COL19A1: variants seen among roughly 807,000 people sequenced by gnomAD.
The protein encoded by COL19A1 is collagen alpha-1(XIX) chain.
COL19A1 carries 159 observed loss-of-function variants against 190.2 expected under a neutral mutation model. That is an observed-to-expected ratio of 0.84 (90% CI 0.73 to 0.95). The LOEUF (loss-of-function observed/expected upper bound fraction) is 0.95. Among genes scored for constraint, COL19A1 ranks in the 40% least tolerant of loss-of-function variants. COL19A1 has a pLI of 0.00. For missense variants in COL19A1, 1,418 were observed against 1,431.9 expected, an observed-to-expected ratio of 0.99 and a Z score of 0.16; for synonymous variants, 509 against 458.9, an observed-to-expected ratio of 1.11 and a Z score of -1.39.
chr6:69,998,774 T>C (rs1777077731), intron 11 of COL19A1, among the ~76,000 whole-genome samples: 1 of 152,122 alleles, frequency 6.6e-6, no homozygotes, highest in Non-Finnish European at 1.5e-5. Flanking sequence ...TACAGAAAGA[T>C]TGAAAGAATT....
intron 15 of COL19A1, among the ~76,000 whole-genome samples, chr6:70,081,994 A>C (rs1782286984): frequency 6.6e-6 from 1 of 152,234 alleles, no homozygotes; most frequent in South Asian, 2.1e-4. Context: ...TATTATTCTC[A>C]TAGCTTTACA....
intron 17 of COL19A1, among the ~76,000 whole-genome samples, chr6:70,129,431 A>C (rs972269265): frequency 6.6e-6 from 1 of 152,240 alleles, no homozygotes; most frequent in African/African-American, 2.4e-5. Flanking sequence ...ATCTCCTAAG[A>C]AGGCAGAAGG....
At chr6:70,107,592 C>T (rs879511109) in intron 16 of COL19A1, among the ~76,000 whole-genome samples, 1 of 152,168 alleles carries the variant, frequency 6.6e-6, no homozygotes, top group Admixed American at 6.6e-5. Flanking sequence ...AGATTGTCTT[C>T]AATCAGTAAT....
intron 9 of COL19A1, among the ~76,000 whole-genome samples, chr6:69,943,149 T>C (rs1368256306): frequency 6.6e-6 from 1 of 152,122 alleles, no homozygotes; most frequent in Non-Finnish European, 1.5e-5. Flanking sequence ...TCATGATTAA[T>C]GTTGAGCATT....
chr6:70,064,935 C>A (rs1259561357), intron 14 of COL19A1, among the ~76,000 whole-genome samples: 2 of 152,118 alleles, frequency 1.3e-5, no homozygotes, highest in Admixed American at 6.6e-5. Flanking sequence ...GAACTACAAA[C>A]CACTGCTCAA....
chr6:70,197,805 G>A (rs1767304910), intron 48 of COL19A1, among the ~76,000 whole-genome samples: 3 of 152,146 alleles, frequency 2.0e-5, no homozygotes, highest in Admixed American at 6.5e-5. Context: ...AGTCCTGTGC[G>A]GGTTGTGGTA....
At chr6:69,888,519 AAGAG>A (rs1006072130) in intron 2 of COL19A1, among the ~76,000 whole-genome samples, 12 of 152,080 alleles carry the variant, frequency 7.9e-5, no homozygotes, top group South Asian at 2.1e-4. Context: ...GAAAAAAAAA[AAGAG>A]AGAGCACCTG....
intron 4 of COL19A1, among the ~76,000 whole-genome samples, chr6:69,915,601 A>C (rs970088664): frequency 1.3e-5 from 2 of 152,178 alleles, no homozygotes; most frequent in African/African-American, 4.8e-5. Flanking sequence ...CAATTCAGGG[A>C]ATGAATAGAA....
At chr6:70,186,827 T>C (rs942689852) in intron 46 of COL19A1, among the ~76,000 whole-genome samples, 1 of 152,174 alleles carries the variant, frequency 6.6e-6, no homozygotes, top group African/African-American at 2.4e-5. Context: ...ACATCTAATA[T>C]AATATTTTAC....
intron 4 of COL19A1, 115 bp downstream of exon 4, chr6:69,900,453 G>T: frequency 2.0e-6 from 1 of 504,774 alleles, no homozygotes; most frequent in South Asian, 4.2e-5. Flanking sequence ...ATCCTCACTG[G>T]AATGCAGTGG....
intron 4 of COL19A1, among the ~76,000 whole-genome samples, chr6:69,924,018 CAG>C (rs1772183463): frequency 6.6e-6 from 1 of 152,172 alleles, no homozygotes; most frequent in Non-Finnish European, 1.5e-5. Context: ...ATAAAGACAA[CAG>C]ACAGCACCAA....
intron 4 of COL19A1, among the ~76,000 whole-genome samples, chr6:69,913,268 T>C (rs1352752260): frequency 6.6e-6 from 1 of 152,178 alleles, no homozygotes; most frequent in South Asian, 2.1e-4. Context: ...TCAGCTTTGA[T>C]GCCAGTGAAA....
intron 15 of COL19A1, among the ~76,000 whole-genome samples, 178 bp from the exon 16 acceptor site, chr6:70,101,991 G>C (rs902198672): frequency 6.6e-6 from 1 of 152,138 alleles, no homozygotes; most frequent in Non-Finnish European, 1.5e-5. Flanking sequence ...TTCTCATTAT[G>C]GTCCTTAAAA....
chr6:69,889,297 T>G (rs978950943), intron 2 of COL19A1, among the ~76,000 whole-genome samples: 2 of 152,210 alleles, frequency 1.3e-5, no homozygotes, highest in Admixed American at 6.5e-5. Flanking sequence ...ATGATAATTC[T>G]GAAGATATGA....
At chr6:69,922,457 C>T (rs1278909832) in intron 4 of COL19A1, among the ~76,000 whole-genome samples, 5 of 146,252 alleles carry the variant, frequency 3.4e-5, no homozygotes, top group Non-Finnish European at 7.5e-5. Context: ...TATAAATTAT[C>T]GAAAAATAAT....
intron 4 of COL19A1, among the ~76,000 whole-genome samples, chr6:69,915,994 TG>T (rs1290355050): frequency 6.8e-6 from 1 of 147,188 alleles, no homozygotes; most frequent in African/African-American, 2.5e-5. Flanking sequence ...TGGAGTGCAG[TG>T]GCGCGATCTC....
At chr6:69,967,180 A>G (rs1775162819) in intron 11 of COL19A1, among the ~76,000 whole-genome samples, 1 of 152,200 alleles carries the variant, frequency 6.6e-6, no homozygotes, top group East Asian at 1.9e-4. Context: ...TTTATTACCT[A>G]AAATGTAGTC....
At chr6:70,052,466 C>G (rs1225381527) in intron 14 of COL19A1, among the ~76,000 whole-genome samples, 1 of 152,188 alleles carries the variant, frequency 6.6e-6, no homozygotes, top group Non-Finnish European at 1.5e-5. Flanking sequence ...TTTACCACAC[C>G]ATGGCTAACT....
intron 8 of COL19A1, among the ~76,000 whole-genome samples, chr6:69,937,826 A>T (rs963091750): frequency 6.6e-6 from 1 of 152,130 alleles, no homozygotes; most frequent in Admixed American, 6.6e-5. Context: ...ATGATGCTAA[A>T]TGGTGTTTGG....
Sources: allele counts gnomAD v4.1 joint callset (sites outside exome capture counted in the v4.1 genomes callset), GRCh38; gene constraint gnomAD v4.1.1; transcripts MANE v1.5; gene names NCBI Gene and HGNC (gene_info 2026-07-23, HGNC 2026-07-21).